STPG1: variants seen among roughly 807,000 people sequenced by gnomAD.
STPG1 encodes O(6)-methylguanine-induced apoptosis 2.
STPG1 carries 33 observed loss-of-function variants against 40.1 expected under a neutral mutation model. The ratio of observed to expected loss-of-function variants is 0.82; its 90% confidence interval spans 0.62 to 1.10. The LOEUF is 1.10. Ranked by LOEUF, STPG1 falls within the 50% of genes least tolerant of loss-of-function variation. The pLI is 0.00. For synonymous variants in STPG1, 150 were observed against 155.0 expected (o/e 0.97, Z 0.24); for missense variants, 396 against 415.1 (o/e 0.95, Z 0.40).
intron 1 of STPG1, among the ~76,000 whole-genome samples, chr1:24,406,915 G>A (rs550439352): frequency 6.6e-6 from 1 of 152,276 alleles, no homozygotes; most frequent in South Asian, 2.1e-4. Context: ...GTGCACAGCT[G>A]AGTGGAATTC....
In STPG1 at chr1:24,394,107, G is replaced by A. The variant is rs569296730; in HGVS notation, c.71-2428C>T. 9.2e-5 allele frequency among the ~76,000 whole-genome samples: 14 copies of A among 152,344 alleles called. No individual in the cohort carries two copies. In the South Asian group the frequency reaches 1.2e-3, roughly 14 times the overall value. ...ACACATGGCATGAGAAAACTACCCAGGGCTGGAGAAGGAACCGCCTGGCAG... is the reference window on the plus strand; with the variant it reads ...ACACATGGCATGAGAAAACTACCCAAGGCTGGAGAAGGAACCGCCTGGCAG... On this transcript the variant is annotated intron_variant, in intron 2 of 8. Transcript: ENST00000337248.
At chr1:24,411,285 A>T (rs544772711) in intron 1 of STPG1, among the ~76,000 whole-genome samples, 156 of 152,312 alleles carry the variant, frequency 1.0e-3, no homozygotes, top group Non-Finnish European at 1.2e-3. Flanking sequence ...TGACTTGCCC[A>T]AAGTCACATT....
chr1:24,386,354 G>A (rs1642502978), intron 3 of STPG1, among the ~76,000 whole-genome samples: 1 of 152,244 alleles, frequency 6.6e-6, no homozygotes, highest in Admixed American at 6.5e-5. Context: ...TTAGCCTGGA[G>A]GAATGGAGTG....
rs1351902283 is a variant in STPG1, at chr1:24,406,262, TCAAA to T, written c.-68-4810_-68-4807del. ...AGTATACATCTTTAATTTATCACAGTCAAACAATAGTATGTTACTTCACATATAA... is the reference window on the plus strand; with the variant it reads ...AGTATACATCTTTAATTTATCACAGTCAATAGTATGTTACTTCACATATAA... On this transcript the variant is annotated intron_variant, in intron 1 of 8. Coordinates refer to ENST00000337248, the MANE Select transcript of STPG1 (RefSeq NM_001199013.2). 2.0e-5 allele frequency among the ~76,000 whole-genome samples: 3 copies of T among 152,092 alleles called. No homozygotes were observed. In the East Asian group the frequency reaches 5.8e-4, roughly 29 times the overall value.
chr1:24,387,130 GC>G (rs1192293447), intron 3 of STPG1, among the ~76,000 whole-genome samples: 1 of 152,186 alleles, frequency 6.6e-6, no homozygotes, highest in Admixed American at 6.5e-5. Context: ...CTGTTGAAGT[GC>G]CCTGCGTGGG....
At chr1:24,365,117 C>A (rs1424185063) in intron 7 of STPG1, among the ~76,000 whole-genome samples, 1 of 152,192 alleles carries the variant, frequency 6.6e-6, no homozygotes, top group South Asian at 2.1e-4. Context: ...CAGATTACAG[C>A]TGCTTGGGAA....
At chr1:24,384,207 A>C (rs1642407269) in intron 3 of STPG1, among the ~76,000 whole-genome samples, 1 of 152,226 alleles carries the variant, frequency 6.6e-6, no homozygotes, top group Non-Finnish European at 1.5e-5. Context: ...CTGGAATTCC[A>C]AGCCAGGCTA....
chr1:24,374,115 C>A (rs1398838507), intron 5 of STPG1, among the ~76,000 whole-genome samples: 1 of 152,138 alleles, frequency 6.6e-6, no homozygotes, highest in African/African-American at 2.4e-5. Context: ...TGTGGCCCCG[C>A]ATCAGTTCTG....
At chr1:24,401,177 G>A in intron 2 of STPG1, 142 bp downstream of exon 2, 1 of 623,530 alleles carries the variant, frequency 1.6e-6, no homozygotes, top group Admixed American at 2.7e-5. Context: ...AAACAGTAGG[G>A]CCTAAAGCCA....
At chr1:24,378,237 T>C (rs932966603) in intron 5 of STPG1, among the ~76,000 whole-genome samples, 4 of 152,226 alleles carry the variant, frequency 2.6e-5, no homozygotes, top group African/African-American at 7.2e-5. Flanking sequence ...ATAACTTTTA[T>C]ATTGATTAGT....
At chr1:24,366,352 C>G (rs1641461656) in intron 7 of STPG1, among the ~76,000 whole-genome samples, 1 of 150,350 alleles carries the variant, frequency 6.7e-6, no homozygotes, top group South Asian at 2.1e-4. Flanking sequence ...CTCAGGAACC[C>G]GTGTAGCTCC....
chr1:24,390,227 G>A (rs1183140376), intron 3 of STPG1, among the ~76,000 whole-genome samples: 2 of 152,226 alleles, frequency 1.3e-5, no homozygotes, highest in Admixed American at 6.5e-5. Flanking sequence ...TAGACTCTAA[G>A]GACGCCTGTG....
chr1:24,369,847 G>A lies in STPG1; in HGVS notation c.572-8C>T, dbSNP rs754268735. ...CGTTGATATCATAATGCCCTAAGGA[G>A]AAAGAAATTTTAGGACAGAATAAGG... On this transcript the variant is annotated splice_region_variant and splice_polypyrimidine_tract_variant and intron_variant, in intron 6 of 8. Coordinates refer to ENST00000337248, the MANE Select transcript of STPG1 (RefSeq NM_001199013.2). The A allele has an allele frequency of 1.9e-6, 3 of 1,576,238 alleles. No homozygotes were observed. Among genetic ancestry groups the A allele is most frequent in the Non-Finnish European group, 2.6e-6 (3 of 1,159,024 alleles).
In STPG1 at chr1:24,374,257, G is replaced by GTTT. The variant is rs1553122570; in HGVS notation, c.463-450_463-448dup. 1.5e-3 allele frequency among the ~76,000 whole-genome samples: 96 copies of GTTT among 62,140 alleles called. 2 individuals carry two copies. In the East Asian group the frequency reaches 0.044, roughly 28 times the overall value. 40.8% of individuals were successfully genotyped at this position (62,140 alleles called of 152,430 possible). A position where few individuals can be genotyped will look rare whatever the true frequency, so the allele number is the denominator to read the frequency against. ...CGCTAGGAAAGTGTTTTTTTTTTTT[G>GTTT]TTTTTTTTTTTTTTTTTCTGAGACA... is the stretch of plus-strand genomic sequence containing the variant. On this transcript the variant is annotated intron_variant, in intron 5 of 8. Coordinates refer to ENST00000337248, the MANE Select transcript of STPG1 (RefSeq NM_001199013.2).
Position 24,379,835 on chromosome 1 carries a change from C to A in STPG1, c.292-12G>T. ...TCCAATCGGGCGCACTGTAAGGAGACAACCAAAGGAATCAGCATTGTCACA... is the reference window on the plus strand; with the variant it reads ...TCCAATCGGGCGCACTGTAAGGAGAAAACCAAAGGAATCAGCATTGTCACA... On this transcript the variant is annotated splice_polypyrimidine_tract_variant and intron_variant, in intron 4 of 8. Transcript: ENST00000337248. 1 of 1,611,558 alleles carries A rather than the reference C, an allele frequency of 6.2e-7. No homozygotes were observed. Among genetic ancestry groups the A allele is most frequent in the Non-Finnish European group, 8.5e-7 (1 of 1,178,000 alleles).
intron 1 of STPG1, among the ~76,000 whole-genome samples, chr1:24,403,599 T>C (rs970353123): frequency 6.6e-6 from 1 of 152,138 alleles, no homozygotes; most frequent in Non-Finnish European, 1.5e-5. Context: ...TAATATGGTA[T>C]ACTCTCCATT....
At chr1:24,371,607 A>G (rs547886551) in intron 6 of STPG1, among the ~76,000 whole-genome samples, 1 of 149,776 alleles carries the variant, frequency 6.7e-6, no homozygotes, top group Non-Finnish European at 1.5e-5. Flanking sequence ...AAAAAAAAAA[A>G]TGTTCCCAGT....
intron 2 of STPG1, among the ~76,000 whole-genome samples, chr1:24,395,592 C>T (rs1309472771): frequency 6.6e-6 from 1 of 151,860 alleles, no homozygotes; most frequent in Admixed American, 6.6e-5. Flanking sequence ...GCCACCGCGC[C>T]CGGCTAATTT....
chr1:24,373,878 G>T, intron 5 of STPG1, 68 bp from the exon 6 acceptor site: 1 of 1,139,512 alleles, frequency 8.8e-7, no homozygotes, highest in Non-Finnish European at 1.3e-6. Flanking sequence ...ATCATGCCTG[G>T]ACAAGTGGCA....
Sources: allele counts gnomAD v4.1 joint callset (sites outside exome capture counted in the v4.1 genomes callset), GRCh38; gene constraint gnomAD v4.1.1; transcripts MANE v1.5; gene names NCBI Gene and HGNC (gene_info 2026-07-23, HGNC 2026-07-21).